The following WDFY2 variants were observed in gnomAD, a reference collection of about 807,000 sequenced individuals.
The protein encoded by WDFY2 is WD repeat and FYVE domain containing 2.
A neutral mutation model predicts 56.4 loss-of-function variants in WDFY2; 36 were observed. That is an observed-to-expected ratio of 0.64 (90% CI 0.49 to 0.84). The LOEUF is 0.84. Among genes scored for constraint, WDFY2 ranks in the 40% least tolerant of loss-of-function variants. WDFY2 has a pLI of 0.00. For missense variants in WDFY2, 444 were observed against 512.2 expected, an observed-to-expected ratio of 0.87 and a Z score of 1.29; for synonymous variants, 176 against 183.7, an observed-to-expected ratio of 0.96 and a Z score of 0.34.
At chr13:51,584,869 C>T (rs781413089) in intron 1 of WDFY2, 45 bp downstream of exon 1, 6 of 1,605,368 alleles carry the variant, frequency 3.7e-6, no homozygotes, top group East Asian at 2.2e-5. Flanking sequence ...CGGGACGGGC[C>T]GACGGCCCTC....
At chr13:51,726,533 T>G (rs1478772394) in intron 5 of WDFY2, among the ~76,000 whole-genome samples, 1 of 152,214 alleles carries the variant, frequency 6.6e-6, no homozygotes, top group African/African-American at 2.4e-5. Context: ...CTTTTACTGG[T>G]CACGTAGGCA....
At chr13:51,757,205 A>G (rs572137972) in intron 10 of WDFY2, among the ~76,000 whole-genome samples, 54 of 152,328 alleles carry the variant, frequency 3.5e-4, no homozygotes, top group African/African-American at 1.2e-3. Flanking sequence ...ATGCCCTTGC[A>G]TAAGTATGCA....
intron 1 of WDFY2, among the ~76,000 whole-genome samples, chr13:51,623,974 G>A (rs1254836390): frequency 6.6e-6 from 1 of 152,088 alleles, no homozygotes; most frequent in Non-Finnish European, 1.5e-5. Flanking sequence ...ATAACTAGCC[G>A]TGTTCCCAGT....
intron 1 of WDFY2, chr13:51,598,451 C>T (rs4943009): frequency 0.094 from 14,345 of 152,154 alleles, 895 homozygotes; most frequent in East Asian, 0.25. Flanking sequence ...TTTCTGCTTA[C>T]GCCACAGTGG....
chr13:51,681,997 A>C (rs1411185426), intron 3 of WDFY2, among the ~76,000 whole-genome samples: 1 of 152,166 alleles, frequency 6.6e-6, no homozygotes. Context: ...TACCAAGAGC[A>C]TTTTTTGACC....
At chr13:51,707,209 G>T (rs1171939204) in intron 4 of WDFY2, among the ~76,000 whole-genome samples, 1 of 152,226 alleles carries the variant, frequency 6.6e-6, no homozygotes, top group Non-Finnish European at 1.5e-5. Flanking sequence ...GCCCAGGCTA[G>T]AGTGCAGTGG....
chr13:51,669,738 T>C (rs756803686), intron 2 of WDFY2, among the ~76,000 whole-genome samples: 29 of 152,142 alleles, frequency 1.9e-4, no homozygotes, highest in Admixed American at 3.9e-4. Flanking sequence ...ATTTCAGTTA[T>C]TGGGTTAGTA....
chr13:51,668,824 G>A (rs944457557), intron 2 of WDFY2, among the ~76,000 whole-genome samples: 1 of 152,194 alleles, frequency 6.6e-6, no homozygotes, highest in Non-Finnish European at 1.5e-5. Flanking sequence ...GAAGCAGTGT[G>A]ATTGAAATCC....
At chr13:51,672,437 T>C (rs186248884) in intron 2 of WDFY2, among the ~76,000 whole-genome samples, 2 of 152,344 alleles carry the variant, frequency 1.3e-5, no homozygotes, top group East Asian at 3.9e-4. Flanking sequence ...CCATGCTGTT[T>C]TGGTGACTAT....
chr13:51,695,198 C>T (rs985135160), intron 3 of WDFY2, among the ~76,000 whole-genome samples: 115 of 152,372 alleles, frequency 7.5e-4, no homozygotes, highest in African/African-American at 2.6e-3. Flanking sequence ...AGGCATTCTC[C>T]GTCCAGCTTT....
chr13:51,756,683 C>A (rs1953393733), intron 10 of WDFY2: 2 of 978,736 alleles, frequency 2.0e-6, no homozygotes. Flanking sequence ...TCTCTGTGTT[C>A]TTTCTAATTT....
chr13:51,682,942 G>C (rs561581675), intron 3 of WDFY2, among the ~76,000 whole-genome samples: 3 of 152,150 alleles, frequency 2.0e-5, no homozygotes, highest in Non-Finnish European at 4.4e-5. Context: ...AGTCTTTGCT[G>C]TTGCATCACA....
At chr13:51,699,729 G>A (rs1334752675) in intron 3 of WDFY2, among the ~76,000 whole-genome samples, 2 of 152,230 alleles carry the variant, frequency 1.3e-5, no homozygotes, top group African/African-American at 4.8e-5. Flanking sequence ...GAAGATGGGG[G>A]TAGGTGAGAG....
intron 1 of WDFY2, among the ~76,000 whole-genome samples, chr13:51,653,132 C>G (rs1955432252): frequency 6.6e-6 from 1 of 152,182 alleles, no homozygotes; most frequent in Non-Finnish European, 1.5e-5. Flanking sequence ...CTAAACTGCT[C>G]TTCTTGCTTC....
rs1953630353 is a variant in WDFY2 at position 51,762,846 on chromosome 13, C to T, written c.*3077C>T. The T allele has an allele frequency of 6.6e-6, 1 of 152,256 alleles. No homozygotes were observed. The highest frequency in any genetic ancestry group is 2.4e-5 in the African/African-American group (1 of 41,470). 9.4% of individuals were successfully genotyped at this position (152,256 alleles called of 1,614,324 possible). ...TACACATATCATACGCAGAGTTGTTCTCTACCTGATGGGGCAAAACCAACC... is the reference window on the plus strand; with the variant it reads ...TACACATATCATACGCAGAGTTGTTTTCTACCTGATGGGGCAAAACCAACC... On this transcript the variant is annotated 3_prime_UTR_variant, in exon 12 of 12. Transcript: ENST00000298125.
At chr13:51,742,275 A>G (rs1241056291) in intron 7 of WDFY2, among the ~76,000 whole-genome samples, 1 of 152,232 alleles carries the variant, frequency 6.6e-6, no homozygotes, top group Non-Finnish European at 1.5e-5. Context: ...GCACCAAAGA[A>G]AGTGATTGAT....
intron 3 of WDFY2, among the ~76,000 whole-genome samples, chr13:51,690,001 T>G (rs1956124098): frequency 6.6e-6 from 1 of 152,114 alleles, no homozygotes; most frequent in Admixed American, 6.6e-5. Context: ...TGTCTTCTGT[T>G]AAGCTGCGCA....
intron 4 of WDFY2, among the ~76,000 whole-genome samples, chr13:51,706,037 A>G (rs1278920309): frequency 6.6e-6 from 1 of 152,240 alleles, no homozygotes; most frequent in African/African-American, 2.4e-5. Context: ...AGGTATAAGT[A>G]TAATGAGCAT....
At chr13:51,699,490 T>A (rs765754061) in intron 3 of WDFY2, among the ~76,000 whole-genome samples, 5 of 152,224 alleles carry the variant, frequency 3.3e-5, no homozygotes, top group Non-Finnish European at 7.3e-5. Context: ...ACTTACGCTT[T>A]GCTTCACGCT....
Sources: allele counts gnomAD v4.1 joint callset (sites outside exome capture counted in the v4.1 genomes callset), GRCh38; gene constraint gnomAD v4.1.1; transcripts MANE v1.5; gene names NCBI Gene and HGNC (gene_info 2026-07-23, HGNC 2026-07-21).